Variants in SDK1 observed in about 807,000 individuals in gnomAD.
SDK1 encodes protein sidekick-1.
SDK1 carries 157 observed loss-of-function variants against 245.5 expected under a neutral mutation model. That is an observed-to-expected ratio of 0.64 (90% CI 0.56 to 0.73). The LOEUF (loss-of-function observed/expected upper bound fraction) is 0.73. SDK1 is among the 30% of genes least tolerant of loss of function. The probability of loss-of-function intolerance (pLI) is 0.00; values close to 1 mark genes in which losing one functional copy is unlikely to be tolerated. For synonymous variants in SDK1, 1,647 were observed against 1,278.5 expected (o/e 1.29, Z -6.15); for missense variants, 3,583 against 3,002.3 (o/e 1.19, Z -4.52).
chr7:3,571,671 T>C (rs1780120644), intron 1 of SDK1, among the ~76,000 whole-genome samples: 1 of 152,102 alleles, frequency 6.6e-6, no homozygotes, highest in African/African-American at 2.4e-5. Flanking sequence ...TTAACGATTA[T>C]TACTATTTGA....
intron 4 of SDK1, among the ~76,000 whole-genome samples, chr7:3,665,003 T>G (rs1783482847): frequency 6.6e-6 from 1 of 152,198 alleles, no homozygotes; most frequent in African/African-American, 2.4e-5. Context: ...AAACTTTGAG[T>G]AGGCTCTTCT....
chr7:3,424,614 C>T (rs576858230), intron 1 of SDK1, among the ~76,000 whole-genome samples: 5 of 152,180 alleles, frequency 3.3e-5, no homozygotes, highest in African/African-American at 9.6e-5. Flanking sequence ...TTCAAAAATA[C>T]CGGCTAGGCA....
At chr7:3,362,321 T>G (rs181071800) in intron 1 of SDK1, among the ~76,000 whole-genome samples, 102 of 152,344 alleles carry the variant, frequency 6.7e-4, no homozygotes, top group Admixed American at 4.9e-3. Context: ...GACTATCTTT[T>G]TGAAGACTTT....
At chr7:4,167,776 A>C (rs998340663) in intron 32 of SDK1, among the ~76,000 whole-genome samples, 5 of 152,266 alleles carry the variant, frequency 3.3e-5, no homozygotes, top group African/African-American at 1.2e-4. Flanking sequence ...TGTGGTGCAA[A>C]GCGAACCTTT....
intron 35 of SDK1, among the ~76,000 whole-genome samples, chr7:4,179,600 C>T (rs912191337): frequency 3.3e-5 from 5 of 152,030 alleles, no homozygotes; most frequent in African/African-American, 1.2e-4. Context: ...TACGGTATTT[C>T]TGCCTCTCTT....
intron 1 of SDK1, among the ~76,000 whole-genome samples, chr7:3,480,564 C>T (rs1335088039): frequency 6.6e-6 from 1 of 152,230 alleles, no homozygotes; most frequent in East Asian, 1.9e-4. Context: ...CTTCCAGCTC[C>T]TGCAACCAGA....
rs1407632571 is a variant in SDK1, at chr7:3,653,111, TG to T, written c.713+11010del. Reference sequence around the variant, plus strand: ...GAAAAGTCGCAGGCTTAAACTTGTGTGGGGTGAGCTTGAATCCTTAGGGAAT... The same window carrying T: ...GAAAAGTCGCAGGCTTAAACTTGTGTGGGTGAGCTTGAATCCTTAGGGAAT... On this transcript the variant is annotated intron_variant, in intron 4 of 44. Transcript: ENST00000404826. 7.9e-5 allele frequency among the ~76,000 whole-genome samples: 12 copies of T among 152,322 alleles called. No individual in the cohort carries two copies. The South Asian group carries it at 1.2e-3, about 16-fold the overall frequency.
chr7:3,435,327 T>TTTTTTTTTTTTTTTC (rs1779989519), intron 1 of SDK1, among the ~76,000 whole-genome samples: 1 of 119,934 alleles, frequency 8.3e-6, no homozygotes, highest in Admixed American at 8.0e-5. Context: ...CTGCCTTTTT[T>TTTTTTTTTTTTTTTC]TTTTTTTTTT....
intron 19 of SDK1, among the ~76,000 whole-genome samples, chr7:4,054,308 C>A (rs2128168071): frequency 6.6e-6 from 1 of 152,276 alleles, no homozygotes; most frequent in East Asian, 1.9e-4. Flanking sequence ...AATATTGAGA[C>A]CGTGTACATT....
intron 5 of SDK1, among the ~76,000 whole-genome samples, chr7:3,923,915 C>T (rs1207577657): frequency 6.6e-6 from 1 of 152,118 alleles, no homozygotes; most frequent in Admixed American, 6.5e-5. Flanking sequence ...GGCAGCCTCT[C>T]CCTTAGACAG....
rs149890193 is a variant in SDK1 at position 4,253,369 on chromosome 7, G to C, written c.6381+7564G>C. On this transcript the variant is annotated intron_variant, in intron 44 of 44. Transcript: ENST00000404826. The stretch of plus-strand genomic sequence containing the variant: ...TCTCAAAATATTTTTTTAATTTTCT[G>C]TGTAATTTCTTCTTTGACACATTCG... 3.0e-3 allele frequency among the ~76,000 whole-genome samples: 463 copies of C among 152,052 alleles called. 4 individuals carry two copies. The highest frequency in any genetic ancestry group is 0.011 in the African/African-American group (443 of 41,500).
chr7:3,324,111 C>G (rs1281542927), intron 1 of SDK1, among the ~76,000 whole-genome samples: 2 of 152,092 alleles, frequency 1.3e-5, no homozygotes, highest in East Asian at 3.8e-4. Flanking sequence ...TAGGGAGATA[C>G]TCATGTTTTT....
intron 1 of SDK1, among the ~76,000 whole-genome samples, chr7:3,392,324 T>C (rs1781779356): frequency 4.6e-5 from 7 of 152,198 alleles, no homozygotes; most frequent in Admixed American, 4.6e-4. Flanking sequence ...TTCATGTCAT[T>C]CGTTTTTATT....
intron 5 of SDK1, among the ~76,000 whole-genome samples, chr7:3,846,614 AT>A (rs1780284449): frequency 6.6e-6 from 1 of 152,080 alleles, no homozygotes; most frequent in African/African-American, 2.4e-5. Flanking sequence ...ACTCATTCTT[AT>A]TTACCTCCCT....
intron 4 of SDK1, among the ~76,000 whole-genome samples, chr7:3,677,527 T>A (rs752049131): frequency 6.6e-6 from 1 of 152,158 alleles, no homozygotes; most frequent in African/African-American, 2.4e-5. Context: ...GTGAGACTTA[T>A]TCACTACCAC....
chr7:3,505,862 A>T (rs930285982), intron 1 of SDK1, among the ~76,000 whole-genome samples: 1 of 152,058 alleles, frequency 6.6e-6, no homozygotes, highest in East Asian at 1.9e-4. Context: ...CCTGGAACCA[A>T]TCCCCTTTGA....
Position 3,790,362 on chromosome 7 carries a change from G to T in SDK1, c.714-31088G>T, listed in dbSNP as rs116355458. The stretch of plus-strand genomic sequence containing the variant: ...CTTTTCCCGCCCTCCAGTCTCCTGT[G>T]GCTGCTCAATGGCAGGTTCTAACGA... On this transcript the variant is annotated intron_variant, in intron 4 of 44. Transcript: ENST00000404826. Among the ~76,000 whole-genome samples the T allele has an allele frequency of 5.6e-3, 850 of 152,278 alleles. 8 individuals are homozygous for T. The highest frequency in any genetic ancestry group is 0.02 in the African/African-American group (817 of 41,552).
At chr7:3,443,061 A>T (rs2128589116) in intron 1 of SDK1, among the ~76,000 whole-genome samples, 1 of 120,722 alleles carries the variant, frequency 8.3e-6, no homozygotes, top group South Asian at 2.9e-4. Context: ...TAAAAATCTA[A>T]GTGCTTTTTT....
At chr7:3,521,700 A>G (rs907507583) in intron 1 of SDK1, among the ~76,000 whole-genome samples, 9 of 152,296 alleles carry the variant, frequency 5.9e-5, no homozygotes, top group African/African-American at 2.2e-4. Flanking sequence ...GTGGGGGAAG[A>G]ACTTGATCAA....
Sources: allele counts gnomAD v4.1 joint callset (sites outside exome capture counted in the v4.1 genomes callset), GRCh38; gene constraint gnomAD v4.1.1; transcripts MANE v1.5; gene names NCBI Gene and HGNC (gene_info 2026-07-23, HGNC 2026-07-21).